Variants in UGGT1 observed in about 807,000 individuals in gnomAD.
UGGT1 encodes the protein UDP-glucose glycoprotein glucosyltransferase 1.
Under a neutral mutation model 203.9 loss-of-function variants are expected in UGGT1, and 107 were observed. The observed-to-expected ratio is 0.52, with a 90% confidence interval of 0.45 to 0.62. UGGT1 has a LOEUF of 0.62. UGGT1 is among the 20% of genes least tolerant of loss of function. The pLI is 0.00. For synonymous variants in UGGT1, 628 were observed against 653.5 expected (o/e 0.96, Z 0.59); for missense variants, 1,673 against 1,867.2 (o/e 0.90, Z 1.92).
chr2:128,102,592 T>C (rs984687143), intron 2 of UGGT1, among the ~76,000 whole-genome samples: 1 of 152,192 alleles, frequency 6.6e-6, no homozygotes, highest in Non-Finnish European at 1.5e-5. Context: ...TTTCAGTGGA[T>C]CTAGTAAGTA....
chr2:128,134,872 A>G lies in UGGT1; in HGVS notation c.1498-4A>G, dbSNP rs750891547. On this transcript the variant is annotated splice_region_variant and splice_polypyrimidine_tract_variant and intron_variant, in intron 14 of 40. Coordinates refer to ENST00000259253, the MANE Select transcript of UGGT1 (RefSeq NM_020120.4). ...TCATGTGTTCTTTTCCCTTTCTTCA[A>G]CAGGTTTTCATAGTTGATCCTGCAC... 6.2e-7 allele frequency: 1 copy of G among 1,613,114 alleles called. No individual in the cohort carries two copies. The highest frequency in any genetic ancestry group is 8.5e-7 in the Non-Finnish European group (1 of 1,179,382).
Position 128,159,514 on chromosome 2 carries a change from A to C in UGGT1, c.2356A>C (p.Lys786Gln), listed in dbSNP as rs773848984. Residue 786 changes from lysine to glutamine, a missense_variant and splice_region_variant, in exon 23 of 41, where the codon AAA becomes CAA. Physicochemically the swap from Lys to Gln is moderately conservative, Grantham distance 53. This residue lies in a region of UGGT1 where 1,073 missense variants were observed against 1,078.7 expected (regional missense o/e 0.99). Transcript: ENST00000259253. ...CTCCCGTTTCCCATTTTGTGAACAG[A>C]AATCCAGTAACAATGTTAGAATAAG... Reference protein sequence around the residue: ...QLLYDAIKHQKSSNNVRISMI... With the variant: ...QLLYDAIKHQQSSNNVRISMI... The C allele has an allele frequency of 6.2e-7, 1 of 1,613,952 alleles. No individual in the cohort carries two copies. The highest frequency in any genetic ancestry group is 1.7e-5 in the Admixed American group (1 of 60,018).
At chr2:128,149,731 A>G (rs966906938) in intron 18 of UGGT1, among the ~76,000 whole-genome samples, 1 of 151,696 alleles carries the variant, frequency 6.6e-6, no homozygotes, top group Non-Finnish European at 1.5e-5. Flanking sequence ...AACCAAGTGC[A>G]GCCGAGATTG....
chr2:128,171,106 T>C (rs1691075539), intron 27 of UGGT1, 99 bp from the exon 28 acceptor site: 3 of 1,112,354 alleles, frequency 2.7e-6, no homozygotes, highest in Non-Finnish European at 3.9e-6. Flanking sequence ...GTGGCTGTTA[T>C]CTTTATATCT....
intron 18 of UGGT1, among the ~76,000 whole-genome samples, chr2:128,149,116 A>G (rs1689825093): frequency 6.6e-6 from 1 of 151,874 alleles, no homozygotes; most frequent in South Asian, 2.1e-4. Flanking sequence ...ATCATAGCTC[A>G]CTGCAGCCTT....
rs1241846310 is a variant in UGGT1 at position 128,159,605 on chromosome 2, C to T, written c.2447C>T (p.Ala816Val). Reference sequence around the variant, plus strand: ...ACTCAGATCTCCAGAGCAATCTGGGCAGCTCTCCAAACTCAGACTTCCAAC... The same window carrying T: ...ACTCAGATCTCCAGAGCAATCTGGGTAGCTCTCCAAACTCAGACTTCCAAC... ...ENTQISRAIWAALQTQTSNAA... is the reference protein window; with the variant it reads ...ENTQISRAIWVALQTQTSNAA... Residue 816 changes from alanine (A) to valine (V), a missense_variant, in exon 23 of 41, where the codon GCA (alanine) becomes GTA (valine). Ala to Val is a moderately conservative substitution (Grantham distance 64). Around this residue, in one of 4 missense-constraint regions of UGGT1, gnomAD observed 1,073 missense variants for 1,078.7 expected, o/e 0.99. Transcript: ENST00000259253. 6.2e-7 allele frequency: 1 copy of T among 1,614,164 alleles called. No individual in the cohort carries two copies. The highest frequency in any genetic ancestry group is 2.2e-5 in the East Asian group (1 of 44,882).
chr2:128,147,982 G>C (rs1237540654), intron 18 of UGGT1, among the ~76,000 whole-genome samples: 1 of 152,132 alleles, frequency 6.6e-6, no homozygotes, highest in African/African-American at 2.4e-5. Context: ...CTTCTTCACC[G>C]TACCAGGGTT....
intron 25 of UGGT1, among the ~76,000 whole-genome samples, chr2:128,162,400 A>C (rs1011215979): frequency 6.6e-6 from 1 of 151,916 alleles, no homozygotes; most frequent in Non-Finnish European, 1.5e-5. Context: ...AGATTGCGCC[A>C]CTGCACTCCA....
intron 18 of UGGT1, among the ~76,000 whole-genome samples, chr2:128,147,379 T>C (rs1203951508): frequency 6.6e-6 from 1 of 152,222 alleles, no homozygotes; most frequent in Admixed American, 6.5e-5. Context: ...TGGTGAGATG[T>C]TGGTCTTAAA....
chr2:128,180,089 T>G (rs1573627785), intron 35 of UGGT1, among the ~76,000 whole-genome samples: 1 of 152,094 alleles, frequency 6.6e-6, no homozygotes, highest in African/African-American at 2.4e-5. Flanking sequence ...GGTAGGAGAG[T>G]CTTTTGTTGT....
rs542477296 is a variant in UGGT1 at position 128,098,014 on chromosome 2, A to G, written c.194+450A>G. 1.5e-3 allele frequency among the ~76,000 whole-genome samples: 233 copies of G among 152,182 alleles called. 1 individual carries two copies. Among genetic ancestry groups the G allele is most frequent in the Non-Finnish European group, 2.1e-3 (140 of 67,996 alleles). On this transcript the variant is annotated intron_variant, in intron 2 of 40. Transcript: ENST00000259253. ...GTAGCTGGGATCACGGAAGTGCCCC[A>G]CCACACCCTGCTAATCTTTGTATTT...
At chr2:128,110,598 T>C (rs1687802488) in intron 5 of UGGT1, among the ~76,000 whole-genome samples, 1 of 152,228 alleles carries the variant, frequency 6.6e-6, no homozygotes, top group Non-Finnish European at 1.5e-5. Flanking sequence ...TAAAAAACTT[T>C]AATTTGCTAC....
rs369982029 is a variant in UGGT1 at position 128,134,873 on chromosome 2, C to A, written c.1498-3C>A. 4.0e-5 allele frequency: 65 copies of A among 1,613,038 alleles called. 1 individual carries two copies. The African/African-American group carries it at 7.9e-4, about 20-fold the overall frequency. ...CATGTGTTCTTTTCCCTTTCTTCAACAGGTTTTCATAGTTGATCCTGCACA... is the reference window on the plus strand; with the variant it reads ...CATGTGTTCTTTTCCCTTTCTTCAAAAGGTTTTCATAGTTGATCCTGCACA... On this transcript the variant is annotated splice_region_variant and splice_polypyrimidine_tract_variant and intron_variant, in intron 14 of 40. Coordinates refer to ENST00000259253, the MANE Select transcript of UGGT1 (RefSeq NM_020120.4).
At chr2:128,098,470 G>A (rs115397985) in intron 2 of UGGT1, among the ~76,000 whole-genome samples, 1,769 of 152,230 alleles carry the variant, frequency 0.012, 26 homozygotes, top group East Asian at 0.036. Flanking sequence ...ATGATAAAAC[G>A]GTGGCTAGGT....
At chr2:128,132,665 G>A (rs578100338) in intron 13 of UGGT1, among the ~76,000 whole-genome samples, 1 of 152,096 alleles carries the variant, frequency 6.6e-6, no homozygotes, top group Non-Finnish European at 1.5e-5. Flanking sequence ...CATCTATTCT[G>A]TGGCTTATCT....
rs969191879 is a variant in UGGT1 at position 128,194,458 on chromosome 2, G to C, written c.*4716G>C. 4 of 152,234 alleles carry C rather than the reference G, an allele frequency of 2.6e-5. No individual in the cohort carries two copies. Among genetic ancestry groups the C allele is most frequent in the African/African-American group, 9.7e-5 (4 of 41,430 alleles). The allele number at this position is 152,234 out of a possible 1,614,324, so 9.4% of individuals were successfully genotyped here. A position where few individuals can be genotyped will look rare whatever the true frequency, so the allele number is the denominator to read the frequency against. ...ATTTTTGTATTTTTAGTAGAGACGG[G>C]GTTTTGCCATGTTGGCCAGGGTGGT... On this transcript the variant is annotated 3_prime_UTR_variant, in exon 41 of 41. Coordinates refer to ENST00000259253, the MANE Select transcript of UGGT1 (RefSeq NM_020120.4).
At chr2:128,153,628 A>T (rs1045803255) in intron 19 of UGGT1, among the ~76,000 whole-genome samples, 1 of 152,184 alleles carries the variant, frequency 6.6e-6, no homozygotes, top group Non-Finnish European at 1.5e-5. Flanking sequence ...TGGCTTGTTT[A>T]ATTTAGCATA....
intron 1 of UGGT1, among the ~76,000 whole-genome samples, chr2:128,094,215 G>A (rs996428505): frequency 2.6e-5 from 4 of 151,736 alleles, no homozygotes; most frequent in African/African-American, 7.3e-5. Flanking sequence ...CATATGATGC[G>A]CTGTCTCCAG....
At chr2:128,167,917 T>G (rs1020559085) in intron 26 of UGGT1, among the ~76,000 whole-genome samples, 2 of 152,184 alleles carry the variant, frequency 1.3e-5, no homozygotes, top group Non-Finnish European at 2.9e-5. Flanking sequence ...GAACATGTTG[T>G]GTGAATCTCT....
Sources: gnomAD v4.1 joint callset for allele counts (sites outside exome capture counted in the v4.1 genomes callset) on GRCh38, gnomAD v4.1.1 for gene constraint, gnomAD v4.1.1 regional missense constraint, MANE v1.5 for transcripts, NCBI Gene and HGNC (gene_info 2026-07-23, HGNC 2026-07-21) for gene names.